The following RBFOX1 variants were observed in gnomAD, a reference collection of about 807,000 sequenced individuals.
The protein encoded by RBFOX1 is RNA binding fox-1 homolog 1.
In RBFOX1, 8 loss-of-function variants were observed where a neutral mutation model predicts 57.7. The observed-to-expected ratio is 0.14, with a 90% CI of 0.08 to 0.25. The LOEUF (loss-of-function observed/expected upper bound fraction) is 0.25. RBFOX1 is among the 10% of genes least tolerant of loss of function. RBFOX1 has a pLI of 1.00. For missense variants in RBFOX1, 611 were observed against 548.5 expected (o/e 1.11, Z -1.14); for synonymous variants, 326 against 222.4 (o/e 1.47, Z -4.15).
intron 1 of RBFOX1, among the ~76,000 whole-genome samples, chr16:5,419,705 C>G (rs1281266260): frequency 2.6e-5 from 4 of 152,008 alleles, no homozygotes; most frequent in Non-Finnish European, 4.4e-5. Context: ...GGCAGGGCTC[C>G]CAGTGAGCCT....
intron 3 of RBFOX1, among the ~76,000 whole-genome samples, chr16:5,863,761 T>C (rs2057281793): frequency 1.3e-5 from 2 of 152,206 alleles, no homozygotes; most frequent in Admixed American, 6.5e-5. Context: ...CCACAAGCCG[T>C]ACCACTCCCT....
intron 3 of RBFOX1, among the ~76,000 whole-genome samples, chr16:5,615,382 G>T: frequency 6.6e-6 from 1 of 152,200 alleles, no homozygotes; most frequent in East Asian, 1.9e-4. Flanking sequence ...TTTGATGTGT[G>T]CTTGATAGAC....
chr16:7,441,508 A>G (rs1481838877), intron 4 of RBFOX1, among the ~76,000 whole-genome samples: 1 of 152,108 alleles, frequency 6.6e-6, no homozygotes, highest in African/African-American at 2.4e-5. Context: ...TAAAACTGGT[A>G]TCTGTTTCTC....
At chr16:6,570,858 G>A (rs2097335257) in intron 2 of RBFOX1, among the ~76,000 whole-genome samples, 2 of 152,184 alleles carry the variant, frequency 1.3e-5, no homozygotes, top group African/African-American at 4.8e-5. Flanking sequence ...CTTGATGGGT[G>A]CCTCAGTTAA....
At chr16:6,642,513 C>T (rs2098500423) in intron 2 of RBFOX1, among the ~76,000 whole-genome samples, 1 of 151,908 alleles carries the variant, frequency 6.6e-6, no homozygotes, top group Non-Finnish European at 1.5e-5. Context: ...AGTTACCCGG[C>T]CTTTTACCCC....
Position 7,391,524 on chromosome 16 carries a change from C to G in RBFOX1, c.28-126623C>G, listed in dbSNP as rs556294206. ...GTGCTTTTGGACCAGTTTCCTTGTC[C>G]CGTTCACAAAATTAAAACTTCCTTG... On this transcript the variant is annotated intron_variant, in intron 4 of 15. Transcript: ENST00000550418. 2.6e-5 allele frequency among the ~76,000 whole-genome samples: 4 copies of G among 152,234 alleles called. No individual in the cohort carries two copies. The South Asian group carries it at 6.2e-4, about 24-fold the overall frequency.
chr16:5,255,350 ATCCC>A (rs1555468930), intron 1 of RBFOX1, among the ~76,000 whole-genome samples: 136 of 139,654 alleles, frequency 9.7e-4, no homozygotes, highest in African/African-American at 2.1e-3. Context: ...CCATCCATCC[ATCCC>A]TCCATCCATC....
At chr16:6,947,094 A>G (rs568848837) in intron 3 of RBFOX1, among the ~76,000 whole-genome samples, 1 of 152,310 alleles carries the variant, frequency 6.6e-6, no homozygotes, top group South Asian at 2.1e-4. Context: ...AATAGTTAAG[A>G]GGATTTAATG....
At chr16:7,293,205 C>T (rs549250949) in intron 4 of RBFOX1, among the ~76,000 whole-genome samples, 158 of 152,228 alleles carry the variant, frequency 1.0e-3, no homozygotes, top group African/African-American at 3.6e-3. Flanking sequence ...TGTGCAGACA[C>T]TTTTTTCCTT....
chr16:5,910,859 C>A (rs1247854274), intron 4 of RBFOX1, among the ~76,000 whole-genome samples: 1 of 152,162 alleles, frequency 6.6e-6, no homozygotes, highest in African/African-American at 2.4e-5. Flanking sequence ...GCTCCCTGTT[C>A]CGTGACAGAT....
chr16:7,089,634 C>G (rs377173326), intron 4 of RBFOX1, among the ~76,000 whole-genome samples: 2 of 152,116 alleles, frequency 1.3e-5, no homozygotes, highest in African/African-American at 4.8e-5. Context: ...TTTGTTAGCT[C>G]TTACATATGT....
chr16:7,184,921 G>T (rs571158804), intron 4 of RBFOX1, among the ~76,000 whole-genome samples: 1 of 152,002 alleles, frequency 6.6e-6, no homozygotes, highest in Admixed American at 6.6e-5. Context: ...TGCTTACTTG[G>T]TGCCCAAAGT....
At chr16:6,880,551 C>T (rs940174055) in intron 3 of RBFOX1, among the ~76,000 whole-genome samples, 1 of 152,134 alleles carries the variant, frequency 6.6e-6, no homozygotes, top group South Asian at 2.1e-4. Flanking sequence ...CAGCTTCAGA[C>T]ACGTGAACTC....
At chr16:7,568,810 C>T (rs897766460) in intron 5 of RBFOX1, among the ~76,000 whole-genome samples, 2 of 138,586 alleles carry the variant, frequency 1.4e-5, no homozygotes, top group Admixed American at 8.2e-5. Flanking sequence ...TGGCGTGAAC[C>T]CGGGAGGCGG....
At chr16:5,268,861 C>T (rs1432829351) in intron 1 of RBFOX1, among the ~76,000 whole-genome samples, 4 of 152,110 alleles carry the variant, frequency 2.6e-5, no homozygotes, top group Non-Finnish European at 5.9e-5. Flanking sequence ...CACCCACCAG[C>T]AGTGTATGAA....
chr16:7,467,298 T>C (rs1161839088), intron 4 of RBFOX1, among the ~76,000 whole-genome samples: 1 of 152,184 alleles, frequency 6.6e-6, no homozygotes, highest in African/African-American at 2.4e-5. Context: ...CTGCTGGGTA[T>C]GGCTGTTGCA....
chr16:6,382,037 C>G (rs1365348382), intron 2 of RBFOX1, among the ~76,000 whole-genome samples: 1 of 152,198 alleles, frequency 6.6e-6, no homozygotes, highest in African/African-American at 2.4e-5. Flanking sequence ...TGTTGCTATT[C>G]AACTGCCTTT....
At chr16:6,898,912 T>C (rs1168786357) in intron 3 of RBFOX1, among the ~76,000 whole-genome samples, 2 of 151,470 alleles carry the variant, frequency 1.3e-5, no homozygotes, top group African/African-American at 4.9e-5. Context: ...TATGTGTTTG[T>C]GCATATGTGT....
intron 2 of RBFOX1, among the ~76,000 whole-genome samples, chr16:6,415,648 CTGAGA>C (rs2093604118): frequency 6.6e-6 from 1 of 152,070 alleles, no homozygotes. Flanking sequence ...TTGCAGTGAG[CTGAGA>C]TAACACCACT....
Sources: gnomAD v4.1 joint callset for allele counts (sites outside exome capture counted in the v4.1 genomes callset) on GRCh38, gnomAD v4.1.1 for gene constraint, MANE v1.5 for transcripts, NCBI Gene and HGNC (gene_info 2026-07-23, HGNC 2026-07-21) for gene names.